Variants in NADSYN1 observed in about 807,000 individuals in gnomAD.
The protein encoded by NADSYN1 is NAD synthetase 1.
In NADSYN1, 80 loss-of-function variants were observed where a neutral mutation model predicts 99.3. The ratio of observed to expected loss-of-function variants is 0.81; its 90% CI spans 0.67 to 0.97. The LOEUF (loss-of-function observed/expected upper bound fraction) is 0.97. Among genes scored for constraint, NADSYN1 ranks in the 50% least tolerant of loss-of-function variants. The pLI, the probability that NADSYN1 is intolerant of heterozygous loss-of-function variation, is 0.00. For missense variants in NADSYN1, 859 were observed against 948.5 expected, an observed-to-expected ratio of 0.91 and a Z score of 1.24; for synonymous variants, 385 against 372.1, an observed-to-expected ratio of 1.03 and a Z score of -0.40.
At chr11:71,486,810 TTTTTTTTTTTTTTG>T (rs1949746093) in intron 16 of NADSYN1, among the ~76,000 whole-genome samples, 1 of 135,636 alleles carries the variant, frequency 7.4e-6, no homozygotes, top group African/African-American at 2.8e-5. Flanking sequence ...TTTTTTTTTT[TTTTTTTTTTTTTTG>T]AGATGGAGTC....
chr11:71,458,325 GC>G, intron 2 of NADSYN1, 102 bp from the exon 3 acceptor site: 2 of 823,836 alleles, frequency 2.4e-6, no homozygotes, highest in Non-Finnish European at 2.1e-6. Flanking sequence ...AAACACCTGA[GC>G]CCCGGCCCCC....
At position 71,478,348 on chromosome 11, in the gene NADSYN1, T is replaced by A. The variant is rs1591129687; in HGVS notation, c.799-47T>A. On this transcript the variant is annotated intron_variant, in intron 9 of 20. Coordinates refer to ENST00000319023, the MANE Select transcript of NADSYN1 (RefSeq NM_018161.5). ...CAGTGGCCAAATTACACGTGGGAGTTGAACAAACGGGAAATCACGGGTTCT... is the reference window on the plus strand; with the variant it reads ...CAGTGGCCAAATTACACGTGGGAGTAGAACAAACGGGAAATCACGGGTTCT... The A allele has an allele frequency of 1.5e-5, 22 of 1,497,560 alleles. No homozygotes were observed. The East Asian group carries it at 5.0e-4, about 34-fold the overall frequency. The allele number at this position is 1,497,560 out of a possible 1,614,324, so 92.8% of individuals were successfully genotyped here.
chr11:71,473,220 C>A, intron 6 of NADSYN1, 58 bp from the exon 7 acceptor site: 1 of 1,521,948 alleles, frequency 6.6e-7, no homozygotes, highest in Admixed American at 1.7e-5. Context: ...CTAGGTAGTG[C>A]GTGGCCCAGA....
intron 5 of NADSYN1, among the ~76,000 whole-genome samples, chr11:71,472,138 G>A (rs1949631121): frequency 6.6e-6 from 1 of 152,194 alleles, no homozygotes; most frequent in South Asian, 2.1e-4. Context: ...AGGCAACGTG[G>A]CCAGTTCTCA....
At position 71,472,475 on chromosome 11, in the gene NADSYN1, G is replaced by A. The variant is rs141650373; in HGVS notation, c.434G>A (p.Arg145Gln). 186 of 1,613,820 alleles carry A rather than the reference G, an allele frequency of 1.2e-4. 1 individual carries two copies. The South Asian group carries it at 1.8e-3, about 16-fold the overall frequency. Residue 145 changes from arginine to glutamine, a missense_variant, in exon 6 of 21, where the codon CGG (arginine) becomes CAG (glutamine). Transcript: ENST00000319023. The part of the protein sequence containing the change: ...SRHTEEYFLP[R>Q]MIQDLTKQET... The stretch of plus-strand genomic sequence containing the variant: ...CACACAGAGGAGTACTTTCTGCCTC[G>A]GATGATACAGGACCTGACAAAGCAG...
chr11:71,498,192 C>T (rs1466799260), intron 19 of NADSYN1, among the ~76,000 whole-genome samples, 160 bp from the exon 20 acceptor site: 1 of 152,194 alleles, frequency 6.6e-6, no homozygotes, highest in Admixed American at 6.5e-5. Flanking sequence ...GGCCAGTGTC[C>T]CCGGCCTGAG....
In NADSYN1 at chr11:71,481,169, A is replaced by C. The variant is rs537753525; in HGVS notation, c.999-187A>C. On this transcript the variant is annotated intron_variant, in intron 11 of 20. Transcript: ENST00000319023. The stretch of plus-strand genomic sequence containing the variant: ...TAAAATGAGGACGATGATAATACCC[A>C]CGTCCTGGGTCTGTCTTCAGAATCA... 8.7e-6 allele frequency: 6 copies of C among 691,450 alleles called. No homozygotes were observed. The South Asian group carries it at 1.0e-4, about 12-fold the overall frequency. 42.8% of individuals were successfully genotyped at this position (691,450 alleles called of 1,614,324 possible).
intron 17 of NADSYN1, among the ~76,000 whole-genome samples, chr11:71,491,205 C>T (rs974659278): frequency 1.3e-5 from 2 of 152,246 alleles, no homozygotes; most frequent in African/African-American, 4.8e-5. Flanking sequence ...TCCTGCCTCC[C>T]CCGCCTGCCC....
At chr11:71,477,521 G>T in intron 9 of NADSYN1, 1 of 1,126,406 alleles carries the variant, frequency 8.9e-7, no homozygotes, top group East Asian at 6.0e-5. Context: ...AGTGGTGCAG[G>T]TGCTGTTCCC....
At chr11:71,480,669 T>C in intron 10 of NADSYN1, 86 bp from the exon 11 acceptor site, 1 of 1,593,192 alleles carries the variant, frequency 6.3e-7, no homozygotes, top group Non-Finnish European at 8.6e-7. Flanking sequence ...CTGTGGCTGA[T>C]GGAGTCCTGC....
Position 71,482,837 on chromosome 11 carries a change from G to A in NADSYN1, c.1151-12G>A, listed in dbSNP as rs370393359. ...AGGTGACTTCCACCCATTCTGTCCT[G>A]GTGGTTTTCAGATGAGGAAGTGCTG... is the stretch of plus-strand genomic sequence containing the variant. On this transcript the variant is annotated splice_polypyrimidine_tract_variant and intron_variant, in intron 13 of 20. Transcript: ENST00000319023. 1.2e-5 allele frequency: 19 copies of A among 1,611,784 alleles called. No individual in the cohort carries two copies. The highest frequency in any genetic ancestry group is 5.5e-5 in the South Asian group (5 of 91,004).
intron 13 of NADSYN1, 35 bp downstream of exon 13, chr11:71,482,060 G>A: frequency 6.3e-7 from 1 of 1,577,592 alleles, no homozygotes; most frequent in Non-Finnish European, 8.6e-7. Context: ...GGAGGCTCCA[G>A]GGTCCAGCCC....
intron 16 of NADSYN1, 75 bp from the exon 17 acceptor site, chr11:71,490,770 G>A (rs564828083): frequency 9.6e-6 from 15 of 1,568,796 alleles, no homozygotes; most frequent in African/African-American, 1.4e-5. Flanking sequence ...TGGAAGAAGC[G>A]ACTCCCTGGC....
chr11:71,490,741 C>G, intron 16 of NADSYN1, 104 bp from the exon 17 acceptor site: 2 of 1,506,280 alleles, frequency 1.3e-6, no homozygotes, highest in Non-Finnish European at 1.8e-6. Context: ...ATATGCCACA[C>G]TTCTGGCTTC....
intron 3 of NADSYN1, among the ~76,000 whole-genome samples, chr11:71,462,700 A>T (rs1591122801): frequency 6.6e-6 from 1 of 152,156 alleles, no homozygotes; most frequent in Non-Finnish European, 1.5e-5. Flanking sequence ...GGAACTCCAC[A>T]CCATCCACAT....
Position 71,478,404 on chromosome 11 carries a change from A to G in NADSYN1, c.808A>G (p.Thr270Ala). 1 of 1,606,794 alleles carries G rather than the reference A, an allele frequency of 6.2e-7. No individual in the cohort carries two copies. Among genetic ancestry groups the G allele is most frequent in the South Asian group, 1.1e-5 (1 of 89,436 alleles). The change falls in exon 10 of 21, where the codon ACG becomes GCG. Residue 270 changes from threonine to alanine, a missense_variant. By Grantham distance (58) the Thr-to-Ala change is moderately conservative. Coordinates refer to ENST00000319023, the MANE Select transcript of NADSYN1 (RefSeq NM_018161.5). ...QFSLDDVEVL[T>A]ATLDLEDVRS... ...AAATTTCCTTCTCCAGGAAGTCCTG[A>G]CGGCCACGCTGGATCTGGAGGACGT...
At chr11:71,463,342 T>C (rs1437943746) in intron 3 of NADSYN1, 90 bp from the exon 4 acceptor site, 3 of 1,170,966 alleles carry the variant, frequency 2.6e-6, no homozygotes, top group East Asian at 4.8e-5. Context: ...TAAAGTAAAA[T>C]GCATGATTCC....
rs554621745 is a variant in NADSYN1, at chr11:71,455,803, CAT to C, written c.146+636_146+637del. Among the ~76,000 whole-genome samples, 48 of 152,342 alleles carry C rather than the reference CAT, an allele frequency of 3.2e-4. No individual in the cohort carries two copies. The East Asian group carries it at 8.7e-3, about 28-fold the overall frequency. ...GTTATAGCAGGCTGAAGGACCAAGA[CAT>C]ATTCCCAGGTTTTCATTCCGTGATC... On this transcript the variant is annotated intron_variant, in intron 2 of 20. Coordinates refer to ENST00000319023, the MANE Select transcript of NADSYN1 (RefSeq NM_018161.5).
chr11:71,482,599 CGGGGTGG>C (rs1949715956), intron 13 of NADSYN1: 1 of 384,710 alleles, frequency 2.6e-6, no homozygotes, highest in African/African-American at 2.8e-5. Flanking sequence ...GGGTGTAGAC[CGGGGTGG>C]AGTCACACGG....
Sources: allele counts gnomAD v4.1 joint callset (sites outside exome capture counted in the v4.1 genomes callset), GRCh38; gene constraint gnomAD v4.1.1; transcripts MANE v1.5; gene names NCBI Gene and HGNC (gene_info 2026-07-23, HGNC 2026-07-21).